TBC1D16: variants seen among roughly 807,000 people sequenced by gnomAD.
TBC1D16 encodes the protein CTD-2529O21.1.
In TBC1D16, 58 loss-of-function variants were observed where a neutral mutation model predicts 74.7. That is an observed-to-expected ratio of 0.78 (90% CI 0.63 to 0.97). The LOEUF (loss-of-function observed/expected upper bound fraction) is 0.97. Among genes scored for constraint, TBC1D16 ranks in the 50% least tolerant of loss-of-function variants. TBC1D16 has a pLI of 0.00. For missense variants in TBC1D16, 1,014 were observed against 1,079.5 expected (o/e 0.94, Z 0.85); for synonymous variants, 493 against 474.7 (o/e 1.04, Z -0.50).
In TBC1D16 at chr17:79,998,303, T is replaced by G. The variant is rs1332999774; in HGVS notation, c.779+11857A>C. ...CCAGAATGTCCTAGAGCTGGAATCA[T>G]GCAGCTTGCAGCCTTTTCAGACTGG... On this transcript the variant is annotated intron_variant, in intron 3 of 11. Coordinates refer to ENST00000310924, the MANE Select transcript of TBC1D16 (RefSeq NM_019020.4). Among the ~76,000 whole-genome samples the G allele has an allele frequency of 2.0e-5, 3 of 151,550 alleles. No homozygotes were observed. In the South Asian group the frequency reaches 6.2e-4, roughly 31 times the overall value.
rs531466060 is a variant in TBC1D16 at position 80,009,501 on chromosome 17, G to A, written c.779+659C>T. Among the ~76,000 whole-genome samples, 1 of 152,228 alleles carries A rather than the reference G, an allele frequency of 6.6e-6. No individual in the cohort carries two copies. The highest frequency in any genetic ancestry group is 2.4e-5 in the African/African-American group (1 of 41,462). On this transcript the variant is annotated intron_variant, in intron 3 of 11. Transcript: ENST00000310924. The surrounding 1 kb of genome is among the most constrained non-coding windows in gnomAD (Gnocchi z 5.4). ...GGGCACGGGCCCAACTCTAGCTCCT[G>A]CAAGTGTGGCCAGCAAGGAGTCCAG...
At position 79,971,620 on chromosome 17, in the gene TBC1D16, G is replaced by A. The variant is rs532325296; in HGVS notation, c.780-18802C>T. On this transcript the variant is annotated intron_variant, in intron 3 of 11. Coordinates refer to ENST00000310924, the MANE Select transcript of TBC1D16 (RefSeq NM_019020.4). This position sits in a 1 kb window ranked among gnomAD's most constrained non-coding sequence, Gnocchi z 4.6. ...CAATTAGAAAAGAAGAGTCTTTAAC[G>A]TATTCTTCAACTTGACTCATAAAAG... 7.2e-5 allele frequency among the ~76,000 whole-genome samples: 11 copies of A among 152,252 alleles called. No individual in the cohort carries two copies. Among genetic ancestry groups the A allele is most frequent in the South Asian group, 6.2e-4 (3 of 4,818 alleles).
Position 80,007,973 on chromosome 17 carries a change from C to T in TBC1D16, c.779+2187G>A, listed in dbSNP as rs1363809440. 6.6e-6 allele frequency among the ~76,000 whole-genome samples: 1 copy of T among 151,886 alleles called. No individual in the cohort carries two copies. Among genetic ancestry groups the T allele is most frequent in the East Asian group, 1.9e-4 (1 of 5,164 alleles). ...GCTTCCAGAGTGAGTGCACAGCACG[C>T]CTGTCCGCTGCCCACTGATGCCAAT... On this transcript the variant is annotated intron_variant, in intron 3 of 11. Transcript: ENST00000310924. The surrounding 1 kb of genome is among the most constrained non-coding windows in gnomAD (Gnocchi z 4.5).
intron 1 of TBC1D16, among the ~76,000 whole-genome samples, chr17:80,024,927 G>GAC (rs879594703): frequency 0.65 from 89,005 of 137,356 alleles, 29,166 homozygotes; most frequent in East Asian, 0.77. Flanking sequence ...ACACACCATA[G>GAC]ACACACACAC....
intron 10 of TBC1D16, chr17:79,943,927 G>A (rs1598315312): frequency 1.6e-5 from 23 of 1,451,626 alleles, no homozygotes; most frequent in South Asian, 8.3e-5. Context: ...CTCTCAGACC[G>A]TCCATGCCGT....
At position 79,983,587 on chromosome 17, in the gene TBC1D16, G is replaced by A. The variant is rs2034684387; in HGVS notation, c.779+26573C>T. ...ACAAAGACGGGGACGCTTTCCTAGG[G>A]CTCAAAGCAAGGCAGAATGTTGAGA... On this transcript the variant is annotated intron_variant, in intron 3 of 11. Coordinates refer to ENST00000310924, the MANE Select transcript of TBC1D16 (RefSeq NM_019020.4). This position sits in a 1 kb window ranked among gnomAD's most constrained non-coding sequence, Gnocchi z 5.6. Among the ~76,000 whole-genome samples, 2 of 152,222 alleles carry A rather than the reference G, an allele frequency of 1.3e-5. No individual in the cohort carries two copies. Among genetic ancestry groups the A allele is most frequent in the African/African-American group, 4.8e-5 (2 of 41,462 alleles).
Position 80,010,816 on chromosome 17 carries a change from G to A in TBC1D16, c.182-59C>T. ...CCAGGAGGCTGTGGATGAGGCCCTT[G>A]TGGTACCTTTGGCGAGCTGCTCGGA... On this transcript the variant is annotated intron_variant, in intron 2 of 11. Coordinates refer to ENST00000310924, the MANE Select transcript of TBC1D16 (RefSeq NM_019020.4). This position sits in a 1 kb window ranked among gnomAD's most constrained non-coding sequence, Gnocchi z 8.8. 8.3e-6 allele frequency: 11 copies of A among 1,321,484 alleles called. No homozygotes were observed. The highest frequency in any genetic ancestry group is 5.4e-5 in the South Asian group (3 of 55,638). 81.9% of individuals were successfully genotyped at this position (1,321,484 alleles called of 1,614,324 possible). A position where few individuals can be genotyped will look rare whatever the true frequency, so the allele number is the denominator to read the frequency against.
Position 79,950,723 on chromosome 17 carries a change from G to A in TBC1D16, c.1090-145C>T, listed in dbSNP as rs1598335514. The A allele has an allele frequency of 6.5e-7, 1 of 1,536,996 alleles. No individual in the cohort carries two copies. Among genetic ancestry groups the A allele is most frequent in the Middle Eastern group, 1.7e-4 (1 of 5,980 alleles). On this transcript the variant is annotated intron_variant, in intron 5 of 11. Coordinates refer to ENST00000310924, the MANE Select transcript of TBC1D16 (RefSeq NM_019020.4). The surrounding 1 kb of genome is among the most constrained non-coding windows in gnomAD (Gnocchi z 4.6). The stretch of plus-strand genomic sequence containing the variant: ...CCCTGCATACAAACCCCTAAATGGC[G>A]AGTGTAATTAGGCGCAATTAAAATG...
rs958337804 is a variant in TBC1D16 at position 80,013,356 on chromosome 17, C to T, written c.181+11G>A. On this transcript the variant is annotated intron_variant, in intron 2 of 11. Transcript: ENST00000310924. ...CTGTGCGACCCTGGAGCCTCGCCTG[C>T]CCTGGCTCACCTGGGTGGTGCTCCC... 1 of 1,595,570 alleles carries T rather than the reference C, an allele frequency of 6.3e-7. No individual in the cohort carries two copies. Among genetic ancestry groups the T allele is most frequent in the South Asian group, 1.1e-5 (1 of 88,334 alleles).
intron 3 of TBC1D16, among the ~76,000 whole-genome samples, chr17:79,953,586 CT>C (rs1294360750): frequency 2.0e-5 from 3 of 152,214 alleles, no homozygotes; most frequent in Non-Finnish European, 4.4e-5. Flanking sequence ...AGAACCCAAG[CT>C]TTGTGGCCCA....
chr17:80,028,607 C>T (rs11653671), intron 1 of TBC1D16, among the ~76,000 whole-genome samples: 2 of 149,600 alleles, frequency 1.3e-5, no homozygotes, highest in Non-Finnish European at 3.0e-5. Flanking sequence ...ACCATCAGAC[C>T]GGGGCATGAT....
At chr17:79,967,997 TA>T (rs201653835) in intron 3 of TBC1D16, among the ~76,000 whole-genome samples, 1 of 152,204 alleles carries the variant, frequency 6.6e-6, no homozygotes, top group African/African-American at 2.4e-5. Flanking sequence ...GAATAATCTT[TA>T]AAAAATTTTT....
chr17:79,987,498 C>T lies in TBC1D16; in HGVS notation c.779+22662G>A, dbSNP rs1253508497. On this transcript the variant is annotated intron_variant, in intron 3 of 11. Transcript: ENST00000310924. This position sits in a 1 kb window ranked among gnomAD's most constrained non-coding sequence, Gnocchi z 5.2. Reference sequence around the variant, plus strand: ...CTGGGCTCAAGCGCTCCTCCTGCCTCGGCCTCCCAAAGTGCTAGGATTACA... The same window carrying T: ...CTGGGCTCAAGCGCTCCTCCTGCCTTGGCCTCCCAAAGTGCTAGGATTACA... Among the ~76,000 whole-genome samples the T allele has an allele frequency of 3.3e-5, 5 of 152,092 alleles. No individual in the cohort carries two copies. The highest frequency in any genetic ancestry group is 1.9e-4 in the East Asian group (1 of 5,176).
At chr17:80,028,942 A>C (rs1428348249) in intron 1 of TBC1D16, among the ~76,000 whole-genome samples, 1 of 152,138 alleles carries the variant, frequency 6.6e-6, no homozygotes, top group African/African-American at 2.4e-5. Context: ...GCTCAAAGCC[A>C]TTGGTGACCA....
rs1179234039 is a variant in TBC1D16, at chr17:80,001,692, G to T, written c.779+8468C>A. Reference sequence around the variant, plus strand: ...GACCCAGTTGTCCCTCCCCTGGGTGGCGGCAGCTCCTGGATATCTGTGCTG... The same window carrying T: ...GACCCAGTTGTCCCTCCCCTGGGTGTCGGCAGCTCCTGGATATCTGTGCTG... On this transcript the variant is annotated intron_variant, in intron 3 of 11. Coordinates refer to ENST00000310924, the MANE Select transcript of TBC1D16 (RefSeq NM_019020.4). The surrounding 1 kb of genome is among the most constrained non-coding windows in gnomAD (Gnocchi z 5.8). Among the ~76,000 whole-genome samples the T allele has an allele frequency of 6.6e-6, 1 of 152,194 alleles. No homozygotes were observed. The highest frequency in any genetic ancestry group is 6.5e-5 in the Admixed American group (1 of 15,300).
In TBC1D16 at chr17:79,951,592, T is replaced by A; in HGVS notation, c.947A>T (p.Glu316Val). ...MRSLRLFFSD[E>V]ACTSGQLVVA... Reference sequence around the variant, plus strand: ...GACCAGCTGGCCGCTGGTGCAGGCCTCGTCGCTGAAGGGCCATTGGAAGGG... The same window carrying A: ...GACCAGCTGGCCGCTGGTGCAGGCCACGTCGCTGAAGGGCCATTGGAAGGG... The change falls in exon 5 of 12, where the codon GAG becomes GTG. Residue 316 changes from glutamate (E) to valine (V), a missense_variant. Transcript: ENST00000310924. 6.2e-7 allele frequency: 1 copy of A among 1,612,828 alleles called. No individual in the cohort carries two copies. Among genetic ancestry groups the A allele is most frequent in the Non-Finnish European group, 8.5e-7 (1 of 1,179,386 alleles).
intron 3 of TBC1D16, among the ~76,000 whole-genome samples, chr17:79,996,017 T>TA (rs1221664504): frequency 6.6e-6 from 1 of 152,202 alleles, no homozygotes; most frequent in African/African-American, 2.4e-5. Flanking sequence ...CTAGAGTGTA[T>TA]AATCAACTCT....
chr17:79,952,996 C>T, intron 3 of TBC1D16, 178 bp from the exon 4 acceptor site: 1 of 593,328 alleles, frequency 1.7e-6, no homozygotes, highest in East Asian at 3.0e-5. Context: ...AACCCCACTG[C>T]ACAGTTCTAC....
At chr17:79,992,230 A>AAG (rs1308259904) in intron 3 of TBC1D16, 1 of 152,380 alleles carries the variant, frequency 6.6e-6, no homozygotes, top group East Asian at 1.9e-4. Flanking sequence ...CCCTGACCCC[A>AAG]CACTCCGCTG....
Sources: allele counts gnomAD v4.1 joint callset (sites outside exome capture counted in the v4.1 genomes callset), GRCh38; gene constraint gnomAD v4.1.1; non-coding constraint Gnocchi (gnomAD v3.1); transcripts MANE v1.5; gene names NCBI Gene and HGNC (gene_info 2026-07-23, HGNC 2026-07-21).